The following CLASP1 variants were observed in gnomAD, a reference collection of about 807,000 sequenced individuals.
CLASP1 encodes the protein cytoplasmic linker associated protein 1.
CLASP1 carries 38 observed loss-of-function variants against 192.3 expected under a neutral mutation model. The observed-to-expected ratio is 0.20, with a 90% confidence interval of 0.15 to 0.26. The LOEUF (loss-of-function observed/expected upper bound fraction) is 0.26. Among genes scored for constraint, CLASP1 ranks in the 10% least tolerant of loss-of-function variants. The pLI is 1.00. For missense variants in CLASP1, 1,433 were observed against 1,932.5 expected (o/e 0.74, Z 4.85); for synonymous variants, 691 against 712.8 (o/e 0.97, Z 0.49).
intron 8 of CLASP1, among the ~76,000 whole-genome samples, chr2:121,481,824 C>G (rs1431774855): frequency 6.6e-6 from 1 of 152,182 alleles, no homozygotes; most frequent in Admixed American, 6.5e-5. Context: ...CTCTAGTAAG[C>G]ATGCTTGTGT....
chr2:121,436,109 G>A lies in CLASP1; in HGVS notation c.1913-5932C>T, dbSNP rs1223065610. Among the ~76,000 whole-genome samples the A allele has an allele frequency of 2.7e-5, 4 of 150,810 alleles. No individual in the cohort carries two copies. The East Asian group carries it at 7.8e-4, about 29-fold the overall frequency. On this transcript the variant is annotated intron_variant, in intron 19 of 39. Coordinates refer to ENST00000263710, the Ensembl canonical transcript of CLASP1. ...TACAGTGGTGTGATCTCAGCTTACT[G>A]CAATCTCTGCCTCCCAGGTTTAAGT...
At chr2:121,344,181 C>G (rs1455018166) in intron 39 of CLASP1, among the ~76,000 whole-genome samples, 2 of 152,060 alleles carry the variant, frequency 1.3e-5, no homozygotes, top group African/African-American at 4.8e-5. Context: ...AAGTGGGGAA[C>G]AGAGACCAGA....
At chr2:121,623,116 C>T (rs531591321) in intron 1 of CLASP1, among the ~76,000 whole-genome samples, 2 of 152,082 alleles carry the variant, frequency 1.3e-5, no homozygotes, top group South Asian at 4.1e-4. Context: ...ATGTCTTGTT[C>T]CTAATCTTAG....
rs374210311 is a variant in CLASP1 at position 121,367,565 on chromosome 2, C to T, written c.3886+23G>A. The stretch of plus-strand genomic sequence containing the variant: ...CAAGGGAAGCACTTCTGGGTGGGGA[C>T]AGTTAAGAAAAGAGACACCAACCGT... On this transcript the variant is annotated intron_variant, in intron 35 of 39. Coordinates refer to ENST00000263710, the Ensembl canonical transcript of CLASP1. 63 of 1,613,608 alleles carry T rather than the reference C, an allele frequency of 3.9e-5. No individual in the cohort carries two copies. In the African/African-American group the frequency reaches 7.5e-4, roughly 19 times the overall value.
At position 121,608,894 on chromosome 2, in the gene CLASP1, T is replaced by C. The variant is rs567288046; in HGVS notation, c.-285-2714A>G. 2.0e-3 allele frequency among the ~76,000 whole-genome samples: 312 copies of C among 152,254 alleles called. 1 individual carries two copies. Among genetic ancestry groups the C allele is most frequent in the African/African-American group, 6.0e-3 (249 of 41,542 alleles). On this transcript the variant is annotated intron_variant, in intron 1 of 39. Coordinates refer to ENST00000263710, the Ensembl canonical transcript of CLASP1. ...ACCAATAATAATAATAATAATACAATTTAAGGAGCTACATGAGGTGTCAGC... is the reference window on the plus strand; with the variant it reads ...ACCAATAATAATAATAATAATACAACTTAAGGAGCTACATGAGGTGTCAGC...
exon 24 of CLASP1, chr2:121,410,904 T>C (rs2077602879): frequency 6.8e-6 from 11 of 1,612,576 alleles, no homozygotes; most frequent in Non-Finnish European, 8.5e-6. Context: ...TCTGTACTTG[T>C]GCTCAGAACT....
chr2:121,512,471 T>C (rs2094167161), intron 7 of CLASP1, among the ~76,000 whole-genome samples: 1 of 152,330 alleles, frequency 6.6e-6, no homozygotes, highest in East Asian at 1.9e-4. Flanking sequence ...TAATAATACA[T>C]GTAAAAACCA....
chr2:121,647,026 C>T (rs1181014459), intron 1 of CLASP1, among the ~76,000 whole-genome samples: 14 of 129,230 alleles, frequency 1.1e-4, no homozygotes, highest in Non-Finnish European at 1.7e-4. Flanking sequence ...GGTAACATAG[C>T]GAGACTCCAT....
chr2:121,338,028 CA>C (rs2062481104), exon 40 of CLASP1: 2 of 152,386 alleles, frequency 1.3e-5, no homozygotes, highest in South Asian at 4.2e-4. Context: ...ACAGTGCCAA[CA>C]TAACTATTTT....
intron 1 of CLASP1, among the ~76,000 whole-genome samples, chr2:121,631,720 G>A (rs2069694578): frequency 6.6e-6 from 1 of 152,056 alleles, no homozygotes; most frequent in Non-Finnish European, 1.5e-5. Context: ...AGAACAGCCT[G>A]GGCAACATAG....
chr2:121,616,485 G>T (rs2066485585), intron 1 of CLASP1, among the ~76,000 whole-genome samples: 1 of 152,140 alleles, frequency 6.6e-6, no homozygotes, highest in African/African-American at 2.4e-5. Flanking sequence ...GGAAAACAGG[G>T]TTGAAATTTA....
chr2:121,467,765 A>G (rs566250104), intron 9 of CLASP1, among the ~76,000 whole-genome samples: 5 of 152,126 alleles, frequency 3.3e-5, no homozygotes, highest in Non-Finnish European at 7.4e-5. Context: ...CTCTGATGAC[A>G]GTTTATTTTG....
intron 8 of CLASP1, among the ~76,000 whole-genome samples, chr2:121,500,528 A>G (rs1385174111): frequency 2.6e-5 from 4 of 152,098 alleles, no homozygotes; most frequent in Admixed American, 6.5e-5. Context: ...AAAAGAAAAG[A>G]AAGAGAAAAT....
chr2:121,647,472 C>T (rs925121398), intron 1 of CLASP1, among the ~76,000 whole-genome samples: 2 of 152,128 alleles, frequency 1.3e-5, no homozygotes, highest in African/African-American at 4.8e-5. Flanking sequence ...TCTCAACATC[C>T]CTGTCAAACT....
rs567250597 is a variant in CLASP1 at position 121,411,026 on chromosome 2, C to T, written c.2321-57G>A. On this transcript the variant is annotated intron_variant, in intron 23 of 39. Coordinates refer to ENST00000263710, the Ensembl canonical transcript of CLASP1. ...ACTTTAATTCAAATTATTTCAATTCCTTGCAAGGACTACTGCCTCTTCCCA... is the reference window on the plus strand; with the variant it reads ...ACTTTAATTCAAATTATTTCAATTCTTTGCAAGGACTACTGCCTCTTCCCA... 10 of 1,093,248 alleles carry T rather than the reference C, an allele frequency of 9.1e-6. 1 individual carries two copies. The South Asian group carries it at 1.2e-4, about 13-fold the overall frequency. The allele number at this position is 1,093,248 out of a possible 1,614,324, so 67.7% of individuals were successfully genotyped here. A position where few individuals can be genotyped will look rare whatever the true frequency, so the allele number is the denominator to read the frequency against.
At chr2:121,377,735 A>G (rs1009807991) in intron 33 of CLASP1, 86 bp from the exon 35 acceptor site, 1 of 916,256 alleles carries the variant, frequency 1.1e-6, no homozygotes, top group African/African-American at 1.7e-5. Flanking sequence ...CACAATTTAA[A>G]GAATAAGACA....
intron 8 of CLASP1, among the ~76,000 whole-genome samples, chr2:121,489,437 A>G (rs917759604): frequency 1.2e-4 from 19 of 152,236 alleles, no homozygotes; most frequent in African/African-American, 4.6e-4. Context: ...CCACAGCAGG[A>G]GACAAATAAA....
At chr2:121,349,526 C>T (rs1558819713) in intron 37 of CLASP1, among the ~76,000 whole-genome samples, 1 of 152,186 alleles carries the variant, frequency 6.6e-6, no homozygotes, top group Non-Finnish European at 1.5e-5. Flanking sequence ...ACAACTGGAG[C>T]ATCTGCAAAG....
rs1405319298 is a variant in CLASP1, at chr2:121,610,839, G to A, written c.-285-4659C>T. On this transcript the variant is annotated intron_variant, in intron 1 of 39. Coordinates refer to ENST00000263710, the Ensembl canonical transcript of CLASP1. ...AGGAGGAAGAGTTACAGGAGGAAGA[G>A]GAACTGGAGGAGGAGGAGGAGTTAC... 4.7e-3 allele frequency among the ~76,000 whole-genome samples: 661 copies of A among 141,016 alleles called. 4 individuals carry two copies. The highest frequency in any genetic ancestry group is 7.2e-3 in the African/African-American group (264 of 36,598). 92.5% of individuals were successfully genotyped at this position (141,016 alleles called of 152,430 possible). A position where few individuals can be genotyped will look rare whatever the true frequency, so the allele number is the denominator to read the frequency against.
Sources: gnomAD v4.1 joint callset for allele counts (sites outside exome capture counted in the v4.1 genomes callset) on GRCh38, gnomAD v4.1.1 for gene constraint, MANE v1.5 for transcripts, NCBI Gene and HGNC (gene_info 2026-07-23, HGNC 2026-07-21) for gene names.